RANBP2: variants seen among roughly 807,000 people sequenced by gnomAD.
The protein encoded by RANBP2 is RAN binding protein 2.
A neutral mutation model predicts 303.6 loss-of-function variants in RANBP2; 57 were observed. The ratio of observed to expected loss-of-function variants is 0.19; its 90% CI spans 0.15 to 0.23. The LOEUF is 0.23. RANBP2 is among the 10% of genes least tolerant of loss of function. The pLI is 1.00. For synonymous variants in RANBP2, 1,167 were observed against 1,301.5 expected, an observed-to-expected ratio of 0.90 and a Z score of 2.23; for missense variants, 3,138 against 3,780.8, an observed-to-expected ratio of 0.83 and a Z score of 4.46.
At chr2:109,079,728 G>T in the RANBP2 span, among the ~76,000 whole-genome samples, 1 of 152,302 alleles carries the variant, frequency 6.6e-6, no homozygotes, top group African/African-American at 2.4e-5. Flanking sequence ...AACACTCAAG[G>T]CCTGGTGGAG....
the RANBP2 span, chr2:108,930,901 A>G: frequency 6.3e-7 from 1 of 1,576,518 alleles, no homozygotes; most frequent in East Asian, 2.2e-5. Context: ...GAAGAGGCCA[A>G]GAAACAGTCC....
chr2:109,321,548 A>G, the RANBP2 span, among the ~76,000 whole-genome samples: 1 of 152,390 alleles, frequency 6.6e-6, no homozygotes, highest in Non-Finnish European at 1.5e-5. Context: ...AATTTAACAA[A>G]CATTCTCCAA....
At chr2:109,627,819 T>G in the RANBP2 span, among the ~76,000 whole-genome samples, 2 of 152,240 alleles carry the variant, frequency 1.3e-5, no homozygotes, top group Non-Finnish European at 2.9e-5. Flanking sequence ...TTGTTGCTTA[T>G]AGTTGTAAAT....
the RANBP2 span, among the ~76,000 whole-genome samples, chr2:109,404,826 A>G: frequency 6.6e-6 from 1 of 152,000 alleles, no homozygotes. Flanking sequence ...ACAGTTACCA[A>G]TGCCCTGTCC....
At chr2:108,917,658 C>T in the RANBP2 span, among the ~76,000 whole-genome samples, 13 of 151,890 alleles carry the variant, frequency 8.6e-5, no homozygotes, top group South Asian at 8.4e-4. Flanking sequence ...GGGGGTCAAA[C>T]GGGAGGCGGT....
At chr2:109,320,589 G>A in the RANBP2 span, among the ~76,000 whole-genome samples, 1 of 152,206 alleles carries the variant, frequency 6.6e-6, no homozygotes, top group Non-Finnish European at 1.5e-5. Context: ...TAATCAGAAT[G>A]TCTAAACCCT....
chr2:109,126,219 C>CTG, the RANBP2 span, among the ~76,000 whole-genome samples: 1,360 of 152,264 alleles, frequency 8.9e-3, 21 homozygotes, highest in African/African-American at 0.032. Context: ...GGTGCATAGT[C>CTG]TGTGTGTCCT....
chr2:109,455,287 C>A, the RANBP2 span, among the ~76,000 whole-genome samples: 24 of 152,254 alleles, frequency 1.6e-4, no homozygotes, highest in African/African-American at 5.3e-4. Context: ...AGGTGTCTGC[C>A]TTCTGGGTCC....
At chr2:109,766,161 G>A in the RANBP2 span, among the ~76,000 whole-genome samples, 1 of 150,972 alleles carries the variant, frequency 6.6e-6, no homozygotes, top group Non-Finnish European at 1.5e-5. Flanking sequence ...TTGGCCCTCA[G>A]CATGGGCCTG....
chr2:109,316,625 C>A, the RANBP2 span, among the ~76,000 whole-genome samples: 2 of 152,198 alleles, frequency 1.3e-5, no homozygotes, highest in Non-Finnish European at 2.9e-5. Flanking sequence ...ACCTCCTGCC[C>A]CGCCCCCATG....
chr2:109,367,568 C>A, the RANBP2 span, among the ~76,000 whole-genome samples: 1 of 152,230 alleles, frequency 6.6e-6, no homozygotes, highest in South Asian at 2.1e-4. Flanking sequence ...AGGCATGAGC[C>A]ACTGTGCCTG....
At chr2:109,607,720 G>T in the RANBP2 span, among the ~76,000 whole-genome samples, 18 of 151,952 alleles carry the variant, frequency 1.2e-4, no homozygotes, top group Non-Finnish European at 5.9e-5. Flanking sequence ...CTTGAAAAAG[G>T]CAAAGTTTAG....
Position 108,772,829 on chromosome 2 carries a change from C to T in RANBP2, c.8114-39C>T, listed in dbSNP as rs760016504. On this transcript the variant is annotated intron_variant, in intron 22 of 28. Transcript: ENST00000283195. Reference sequence around the variant, plus strand: ...CCATTGTTGTAGAGAAGTTGGGCTTCATCTAATTTCGTTTGCTTGTGTTGT... The same window carrying T: ...CCATTGTTGTAGAGAAGTTGGGCTTTATCTAATTTCGTTTGCTTGTGTTGT... The T allele has an allele frequency of 1.5e-5, 24 of 1,598,714 alleles. No homozygotes were observed. The African/African-American group carries it at 3.2e-4, about 21-fold the overall frequency.
chr2:109,214,646 G>A, the RANBP2 span, among the ~76,000 whole-genome samples: 1 of 152,084 alleles, frequency 6.6e-6, no homozygotes, highest in African/African-American at 2.4e-5. Flanking sequence ...GAACGTCTCT[G>A]CCTGACACTC....
At chr2:109,129,360 ACGCAGGCCGGTCG>A in the RANBP2 span, 2 of 377,904 alleles carry the variant, frequency 5.3e-6, no homozygotes, top group Non-Finnish European at 8.9e-6. Context: ...GGTCCCCGCC[ACGCAGGCCGGTCG>A]GTGAGCCACT....
chr2:109,192,264 A>C, the RANBP2 span, among the ~76,000 whole-genome samples: 1 of 152,192 alleles, frequency 6.6e-6, no homozygotes, highest in Non-Finnish European at 1.5e-5. Flanking sequence ...ACTGCAGCTC[A>C]TGGGATGTTT....
At chr2:109,028,019 C>A in the RANBP2 span, among the ~76,000 whole-genome samples, 1 of 152,194 alleles carries the variant, frequency 6.6e-6, no homozygotes, top group Non-Finnish European at 1.5e-5. Flanking sequence ...CCTGTAATTC[C>A]AGCACACTGG....
the RANBP2 span, among the ~76,000 whole-genome samples, chr2:108,842,063 T>A: frequency 7.2e-5 from 11 of 152,284 alleles, no homozygotes; most frequent in East Asian, 2.1e-3. Flanking sequence ...AGAGTCTCAC[T>A]CTGTTGCTCA....
At chr2:109,091,770 G>A in the RANBP2 span, among the ~76,000 whole-genome samples, 1 of 152,188 alleles carries the variant, frequency 6.6e-6, no homozygotes, top group Non-Finnish European at 1.5e-5. Context: ...CAATGTGCAT[G>A]GATTTAATTG....
Sources: gnomAD v4.1 joint callset for allele counts (sites outside exome capture counted in the v4.1 genomes callset) on GRCh38, gnomAD v4.1.1 for gene constraint, MANE v1.5 for transcripts, NCBI Gene and HGNC (gene_info 2026-07-23, HGNC 2026-07-21) for gene names.